The following KCNQ1 variants were observed in gnomAD, a reference collection of about 807,000 sequenced individuals.
The protein encoded by KCNQ1 is potassium voltage-gated channel subfamily Q member 1, also known as potassium voltage-gated channel subfamily KQT member 1.
Under a neutral mutation model 72.4 loss-of-function variants are expected in KCNQ1, and 49 were observed. The observed-to-expected ratio is 0.68, with a 90% CI of 0.54 to 0.86. The LOEUF (loss-of-function observed/expected upper bound fraction) is 0.86, where lower values mean the gene tolerates loss of function less well. Ranked by LOEUF, KCNQ1 falls within the 40% of genes least tolerant of loss-of-function variation. The pLI, the probability that KCNQ1 is intolerant of heterozygous loss-of-function variation, is 0.00. For missense variants in KCNQ1, 790 were observed against 945.1 expected (o/e 0.84, Z 2.15); for synonymous variants, 450 against 412.6 (o/e 1.09, Z -1.10).
At position 2,599,167 on chromosome 11, in the gene KCNQ1, C is replaced by G. The variant is rs1280060645; in HGVS notation, c.1393+10313C>G. On this transcript the variant is annotated intron_variant, in intron 10 of 15. Transcript: ENST00000155840. The surrounding 1 kb of genome is among the most constrained non-coding windows in gnomAD (Gnocchi z 4.7). ...TGATAATCTAGGATTTGTTGTCTTA[C>G]ATTTTTCCTGATGTTCATATAATAT... Among the ~76,000 whole-genome samples the G allele has an allele frequency of 6.6e-6, 1 of 152,154 alleles. No homozygotes were observed. Among genetic ancestry groups the G allele is most frequent in the Non-Finnish European group, 1.5e-5 (1 of 68,030 alleles).
intron 15 of KCNQ1, among the ~76,000 whole-genome samples, chr11:2,846,252 G>A (rs1019174840): frequency 5.3e-5 from 8 of 152,198 alleles, no homozygotes; most frequent in Non-Finnish European, 8.8e-5. Context: ...AGTGGTTGAC[G>A]TTGCTGTGGC....
In KCNQ1 at chr11:2,598,581, C is replaced by T. The variant is rs779749882; in HGVS notation, c.1393+9727C>T. ...ATTGTGTATACATACTTATTCATTG[C>T]CTCATTTAGGTCTGCTCTGCCCTTA... is the stretch of plus-strand genomic sequence containing the variant. On this transcript the variant is annotated intron_variant, in intron 10 of 15. Transcript: ENST00000155840. This position sits in a 1 kb window ranked among gnomAD's most constrained non-coding sequence, Gnocchi z 6.2. Among the ~76,000 whole-genome samples, 8 of 146,914 alleles carry T rather than the reference C, an allele frequency of 5.4e-5. No homozygotes were observed. Among genetic ancestry groups the T allele is most frequent in the Non-Finnish European group, 1.2e-4 (8 of 67,740 alleles).
chr11:2,755,251 T>TTTG (rs375178714), intron 11 of KCNQ1, among the ~76,000 whole-genome samples: 59 of 151,990 alleles, frequency 3.9e-4, no homozygotes, highest in South Asian at 1.0e-3. Context: ...TGTTGTTGTT[T>TTTG]TTGTTGTTGT....
chr11:2,766,549 C>G lies in KCNQ1; in HGVS notation c.1515-2295C>G, dbSNP rs774535162. On this transcript the variant is annotated intron_variant, in intron 11 of 15. Transcript: ENST00000155840. The surrounding 1 kb of genome is among the most constrained non-coding windows in gnomAD (Gnocchi z 4.4). ...ATTTCCACCATGGTGGAGATAGACT[C>G]TAGCCTGCAATGGGAGGAACCACAA... Among the ~76,000 whole-genome samples, 8 of 152,206 alleles carry G rather than the reference C, an allele frequency of 5.3e-5. No homozygotes were observed. Among genetic ancestry groups the G allele is most frequent in the African/African-American group, 1.9e-4 (8 of 41,444 alleles).
chr11:2,846,296 C>T (rs188608992), intron 15 of KCNQ1, among the ~76,000 whole-genome samples: 101 of 152,332 alleles, frequency 6.6e-4, no homozygotes, highest in Non-Finnish European at 9.0e-4. Flanking sequence ...TGGAGCCATA[C>T]GTTTCCCTGA....
At chr11:2,499,124 T>G (rs916353343) in intron 1 of KCNQ1, among the ~76,000 whole-genome samples, 1 of 152,200 alleles carries the variant, frequency 6.6e-6, no homozygotes, top group African/African-American at 2.4e-5. Flanking sequence ...CCAGTGTTGA[T>G]CTCACTGACA....
At position 2,715,341 on chromosome 11, in the gene KCNQ1, C is replaced by T. The variant is rs1047371071; in HGVS notation, c.1514+53260C>T. ...GCTGTGTCATGGAGGGCCCTTACCC[C>T]GGAGGAGCCAGGAAGGTGGACAGAG... On this transcript the variant is annotated intron_variant, in intron 11 of 15. Transcript: ENST00000155840. This position sits in a 1 kb window ranked among gnomAD's most constrained non-coding sequence, Gnocchi z 4.9. 1.9e-4 allele frequency among the ~76,000 whole-genome samples: 29 copies of T among 152,202 alleles called. No homozygotes were observed. The highest frequency in any genetic ancestry group is 6.5e-4 in the African/African-American group (27 of 41,514).
chr11:2,667,948 G>C (rs1850112773), intron 11 of KCNQ1: 1 of 398,572 alleles, frequency 2.5e-6, no homozygotes, highest in Admixed American at 4.4e-5. Flanking sequence ...GGAAGCAACA[G>C]AACCCCCAGA....
rs541830425 is a variant in KCNQ1 at position 2,544,276 on chromosome 11, A to G, written c.477+16258A>G. On this transcript the variant is annotated intron_variant, in intron 2 of 15. Coordinates refer to ENST00000155840, the MANE Select transcript of KCNQ1 (RefSeq NM_000218.3). The surrounding 1 kb of genome is among the most constrained non-coding windows in gnomAD (Gnocchi z 4.4). Reference sequence around the variant, plus strand: ...TATATATATGTGTGTGTGTGTATATATATGTGTATATATATATGTATATAT... The same window carrying G: ...TATATATATGTGTGTGTGTGTATATGTATGTGTATATATATATGTATATAT... Among the ~76,000 whole-genome samples the G allele has an allele frequency of 1.3e-3, 172 of 127,424 alleles. 1 individual carries two copies. The highest frequency in any genetic ancestry group is 2.2e-3 in the South Asian group (8 of 3,696). 83.6% of individuals were successfully genotyped at this position (127,424 alleles called of 152,430 possible).
intron 10 of KCNQ1, chr11:2,641,901 G>A (rs1849585197): frequency 2.5e-6 from 1 of 398,338 alleles, no homozygotes. Flanking sequence ...TCTTTTCCCA[G>A]TGTATGTTCT....
chr11:2,738,028 A>G (rs1036465939), intron 11 of KCNQ1, among the ~76,000 whole-genome samples: 1 of 151,514 alleles, frequency 6.6e-6, no homozygotes, highest in South Asian at 2.1e-4. Flanking sequence ...GGAGAACCAC[A>G]CCCTCCTCCA....
chr11:2,480,004 A>G (rs1846628612), intron 1 of KCNQ1, among the ~76,000 whole-genome samples: 2 of 152,346 alleles, frequency 1.3e-5, no homozygotes, highest in South Asian at 4.1e-4. Flanking sequence ...GCTAAAACAT[A>G]GCAAGAGTCA....
rs1173324220 is a variant in KCNQ1 at position 2,464,564 on chromosome 11, C to G, written c.386+19080C>G. Among the ~76,000 whole-genome samples, 5 of 151,972 alleles carry G rather than the reference C, an allele frequency of 3.3e-5. No homozygotes were observed. The highest frequency in any genetic ancestry group is 7.4e-5 in the Non-Finnish European group (5 of 67,976). On this transcript the variant is annotated intron_variant, in intron 1 of 15. Transcript: ENST00000155840. The surrounding 1 kb of genome is among the most constrained non-coding windows in gnomAD (Gnocchi z 5.0). ...TGGGCTCCTGGCCCCTGGCTGCTGC[C>G]CCCACATTGGGCCCTGCACCAGGCA...
chr11:2,682,663 C>A lies in KCNQ1; in HGVS notation c.1514+20582C>A, dbSNP rs925264332. On this transcript the variant is annotated intron_variant, in intron 11 of 15. Coordinates refer to ENST00000155840, the MANE Select transcript of KCNQ1 (RefSeq NM_000218.3). The surrounding 1 kb of genome is among the most constrained non-coding windows in gnomAD (Gnocchi z 5.8). ...CCTGCTTCCCCAGGGCTCATGTCCACATGCTATTGTCCATAGAAGCTGGGG... is the reference window on the plus strand; with the variant it reads ...CCTGCTTCCCCAGGGCTCATGTCCAAATGCTATTGTCCATAGAAGCTGGGG... 1 of 398,660 alleles carries A rather than the reference C, an allele frequency of 2.5e-6. No homozygotes were observed. The highest frequency in any genetic ancestry group is 4.4e-6 in the Non-Finnish European group (1 of 226,096). The allele number at this position is 398,660 out of a possible 1,614,324, so 24.7% of individuals were successfully genotyped here.
chr11:2,804,036 C>A (rs990675616), intron 15 of KCNQ1, among the ~76,000 whole-genome samples: 1 of 152,176 alleles, frequency 6.6e-6, no homozygotes, highest in Non-Finnish European at 1.5e-5. Flanking sequence ...GACGGGATGG[C>A]GGGTGAACCA....
rs144821358 is a variant in KCNQ1, at chr11:2,583,985, G to GGT, written c.1032+455_1032+456dup. On this transcript the variant is annotated intron_variant, in intron 7 of 15. Transcript: ENST00000155840. ...GTCTAGTTCACAATGCCTGTATGTG[G>GGT]GTGTGTGTGTGTGTGTTATGTGCGT... Among the ~76,000 whole-genome samples the GGT allele has an allele frequency of 2.2e-3, 328 of 151,354 alleles. 2 individuals are homozygous for GGT. The highest frequency in any genetic ancestry group is 6.3e-3 in the African/African-American group (261 of 41,342).
chr11:2,726,921 A>G (rs1845774221), intron 11 of KCNQ1, among the ~76,000 whole-genome samples: 1 of 152,132 alleles, frequency 6.6e-6, no homozygotes. Context: ...GAGAAAGGGA[A>G]CACATTTGCC....
chr11:2,709,220 G>GCCCCCCCCCC (rs34617956), intron 11 of KCNQ1, among the ~76,000 whole-genome samples: 11 of 130,038 alleles, frequency 8.5e-5, no homozygotes, highest in East Asian at 2.5e-4. Context: ...CGGCTTCCAG[G>GCCCCCCCCCC]CCCCCCCCAC....
chr11:2,643,615 CT>C (rs1002428019), intron 10 of KCNQ1: 1 of 398,316 alleles, frequency 2.5e-6, no homozygotes, highest in African/African-American at 2.1e-5. Context: ...GCCAGTCTGT[CT>C]TTTAAGTAGA....
Sources: allele counts gnomAD v4.1 joint callset (sites outside exome capture counted in the v4.1 genomes callset), GRCh38; gene constraint gnomAD v4.1.1; non-coding constraint Gnocchi (gnomAD v3.1); transcripts MANE v1.5; gene names NCBI Gene and HGNC (gene_info 2026-07-23, HGNC 2026-07-21).